TMEM67: variants seen among roughly 807,000 people sequenced by gnomAD.
TMEM67 encodes transmembrane protein 67.
A neutral mutation model predicts 136.6 loss-of-function variants in TMEM67; 124 were observed. The ratio of observed to expected loss-of-function variants is 0.91; its 90% CI spans 0.78 to 1.05. TMEM67 has a LOEUF of 1.05. Among genes scored for constraint, TMEM67 ranks in the 50% least tolerant of loss-of-function variants. The pLI, the probability that TMEM67 is intolerant of heterozygous loss-of-function variation, is 0.00. For synonymous variants in TMEM67, 364 were observed against 390.5 expected (o/e 0.93, Z 0.80); for missense variants, 1,107 against 1,178.4 (o/e 0.94, Z 0.89).
intron 6 of TMEM67, among the ~76,000 whole-genome samples, chr8:93,765,901 T>A (rs1293700787): frequency 6.6e-6 from 1 of 152,216 alleles, no homozygotes; most frequent in Non-Finnish European, 1.5e-5. Flanking sequence ...ATGTTCTGTA[T>A]AGGATGCAGT....
intron 22 of TMEM67, 151 bp downstream of exon 22, chr8:93,803,835 G>A: frequency 3.2e-6 from 2 of 631,592 alleles, no homozygotes; most frequent in East Asian, 2.9e-5. Flanking sequence ...ATTATAATGA[G>A]CTACAAGTTA....
chr8:93,803,533 C>G (rs1274664516), intron 21 of TMEM67, 71 bp from the exon 22 acceptor site: 2 of 1,002,440 alleles, frequency 2.0e-6, no homozygotes, highest in African/African-American at 3.2e-5. Flanking sequence ...TCTTAAGATG[C>G]TACACTGTGG....
At chr8:93,827,332 A>G in the TMEM67 span, among the ~76,000 whole-genome samples, 3 of 152,220 alleles carry the variant, frequency 2.0e-5, no homozygotes, top group Admixed American at 1.3e-4. Context: ...GTAGGAGGAT[A>G]CTGATAGTTG....
the TMEM67 span, among the ~76,000 whole-genome samples, chr8:93,828,358 C>G: frequency 2.0e-5 from 3 of 152,192 alleles, no homozygotes; most frequent in South Asian, 6.2e-4. Flanking sequence ...ACAAGAACAA[C>G]AAGCAAGTAG....
Position 93,808,769 on chromosome 8 carries a change from T to C in TMEM67, c.2440-71T>C, listed in dbSNP as rs2130780012. On this transcript the variant is annotated intron_variant, in intron 23 of 27. Coordinates refer to ENST00000453321, the MANE Select transcript of TMEM67 (RefSeq NM_153704.6). The stretch of plus-strand genomic sequence containing the variant: ...TATGTGATAACAGCTAAAAAAAAGT[T>C]CTGTATTTTCTTTTTGAGGCAGGAA... 3 of 936,092 alleles carry C rather than the reference T, an allele frequency of 3.2e-6. No individual in the cohort carries two copies. In the East Asian group the frequency reaches 7.2e-5, roughly 23 times the overall value. The allele number at this position is 936,092 out of a possible 1,614,324, so 58.0% of individuals were successfully genotyped here.
At chr8:93,821,963 G>T (rs1809047829), downstream of TMEM67, among the ~76,000 whole-genome samples, 1 of 152,198 alleles carries the variant, frequency 6.6e-6, no homozygotes, top group Non-Finnish European at 1.5e-5. Context: ...TTTACAATTT[G>T]TGGTAAATTT....
intron 14 of TMEM67, 136 bp from the exon 15 acceptor site, chr8:93,791,127 G>A (rs1814356463): frequency 1.1e-5 from 7 of 624,396 alleles, no homozygotes; most frequent in South Asian, 2.1e-5. Context: ...TAAGTTAAAG[G>A]TCAACTCTAG....
intron 27 of TMEM67, 45 bp downstream of exon 27, chr8:93,815,492 A>G (rs764327524): frequency 6.6e-7 from 1 of 1,526,138 alleles, no homozygotes; most frequent in Non-Finnish European, 9.0e-7. Context: ...TTTTCTTGAG[A>G]GAAATATGTT....
At chr8:93,792,331 C>A (rs1211586391) in intron 15 of TMEM67, among the ~76,000 whole-genome samples, 1 of 152,102 alleles carries the variant, frequency 6.6e-6, no homozygotes, top group African/African-American at 2.4e-5. Context: ...ACCACCACGC[C>A]CAGCTAATTT....
At chr8:93,805,580 C>CAA (rs370408912) in intron 23 of TMEM67, among the ~76,000 whole-genome samples, 37 of 58,744 alleles carry the variant, frequency 6.3e-4, no homozygotes, top group African/African-American at 1.8e-3. Flanking sequence ...GACTCCGTCT[C>CAA]AAAAAAAAAA....
downstream of TMEM67, among the ~76,000 whole-genome samples, chr8:93,823,291 G>A (rs1215318525): frequency 6.6e-6 from 1 of 152,056 alleles, no homozygotes; most frequent in African/African-American, 2.4e-5. Flanking sequence ...TGGGCCCACT[G>A]GATAATTCAG....
chr8:93,763,249 A>G (rs1812931058), intron 3 of TMEM67, among the ~76,000 whole-genome samples: 1 of 152,160 alleles, frequency 6.6e-6, no homozygotes, highest in African/African-American at 2.4e-5. Context: ...TCTTTTTAAT[A>G]TATTCCATAG....
chr8:93,765,672 CTGT>C, intron 6 of TMEM67, 26 bp downstream of exon 6: 3 of 1,541,408 alleles, frequency 1.9e-6, no homozygotes, highest in South Asian at 2.2e-5. Context: ...TTTTTTTGTT[CTGT>C]TGTTAAAAAA....
At chr8:93,813,127 C>CCTTCCTCTTCCTCCTAT (rs1363743017) in intron 26 of TMEM67, among the ~76,000 whole-genome samples, 1 of 152,102 alleles carries the variant, frequency 6.6e-6, no homozygotes, top group African/African-American at 2.4e-5. Context: ...CTGCAGTCTT[C>CCTTCCTCTTCCTCCTAT]CTTCCTCTTC....
chr8:93,771,228 G>A (rs574221590), intron 6 of TMEM67, among the ~76,000 whole-genome samples: 6 of 150,834 alleles, frequency 4.0e-5, no homozygotes, highest in Admixed American at 1.3e-4. Context: ...TTCTGTAGAA[G>A]CACTTTACTT....
intron 7 of TMEM67, among the ~76,000 whole-genome samples, chr8:93,777,748 T>G (rs1051726959): frequency 1.3e-5 from 2 of 152,206 alleles, no homozygotes; most frequent in Admixed American, 1.3e-4. Flanking sequence ...TCTTTTACAT[T>G]TGCTGAGGAG....
the TMEM67 span, among the ~76,000 whole-genome samples, chr8:93,832,323 G>A: frequency 6.6e-6 from 1 of 152,158 alleles, no homozygotes; most frequent in African/African-American, 2.4e-5. Context: ...TACCCATGGA[G>A]GCTACAGGAA....
intron 7 of TMEM67, among the ~76,000 whole-genome samples, chr8:93,776,725 T>G (rs774249641): frequency 1.3e-5 from 2 of 152,216 alleles, no homozygotes. Flanking sequence ...TTGGATAAGC[T>G]TTTTGATGTG....
chr8:93,813,991 C>A (rs1808800555), intron 26 of TMEM67, among the ~76,000 whole-genome samples: 6 of 152,044 alleles, frequency 3.9e-5, no homozygotes, highest in Admixed American at 3.9e-4. Flanking sequence ...TAACTAGTAC[C>A]CTTTCAAGAG....
Sources: allele counts gnomAD v4.1 joint callset (sites outside exome capture counted in the v4.1 genomes callset), GRCh38; gene constraint gnomAD v4.1.1; transcripts MANE v1.5; gene names NCBI Gene and HGNC (gene_info 2026-07-23, HGNC 2026-07-21).